RIPK2: variants seen among roughly 807,000 people sequenced by gnomAD.
RIPK2 encodes the protein receptor-interacting serine/threonine-protein kinase 2.
In RIPK2, 38 loss-of-function variants were observed where a neutral mutation model predicts 60.9. The ratio of observed to expected loss-of-function variants is 0.62; its 90% CI spans 0.48 to 0.82. The LOEUF is 0.82. Ranked by LOEUF, RIPK2 falls within the 40% of genes least tolerant of loss-of-function variation. The probability of loss-of-function intolerance (pLI) is 0.00; values close to 1 mark genes in which losing one functional copy is unlikely to be tolerated. For missense variants in RIPK2, 518 were observed against 647.0 expected (o/e 0.80, Z 2.16); for synonymous variants, 225 against 223.4 (o/e 1.01, Z -0.06).
At chr8:89,763,841 A>C (rs537903249) in intron 2 of RIPK2, among the ~76,000 whole-genome samples, 37 of 152,298 alleles carry the variant, frequency 2.4e-4, no homozygotes, top group African/African-American at 7.0e-4. Flanking sequence ...AACTGGTGTC[A>C]GTCTGTAAGA....
intron 1 of RIPK2, among the ~76,000 whole-genome samples, chr8:89,760,210 T>C (rs1016837095): frequency 8.3e-6 from 1 of 120,496 alleles, no homozygotes; most frequent in African/African-American, 4.0e-5. Context: ...GTTTGCATTG[T>C]TCTTTGGGAT....
intron 7 of RIPK2, among the ~76,000 whole-genome samples, chr8:89,781,977 A>G (rs1317492729): frequency 6.6e-6 from 1 of 152,082 alleles, no homozygotes. Context: ...GCAATGTGGC[A>G]AAAAAACATA....
chr8:89,790,430 A>G lies in RIPK2; in HGVS notation c.*14A>G. 1 of 1,521,272 alleles carries G rather than the reference A, an allele frequency of 6.6e-7. No individual in the cohort carries two copies. The highest frequency in any genetic ancestry group is 8.9e-7 in the Non-Finnish European group (1 of 1,122,902). 94.2% of individuals were successfully genotyped at this position (1,521,272 alleles called of 1,614,324 possible). On this transcript the variant is annotated 3_prime_UTR_variant, in exon 11 of 11. Coordinates refer to ENST00000220751, the MANE Select transcript of RIPK2 (RefSeq NM_003821.6). ...AAAAGCATGTAAGTGACTGTTTTTC[A>G]AGAAGAAATGTGTTTCATAAAAGGA... is the stretch of plus-strand genomic sequence containing the variant.
intron 9 of RIPK2, 33 bp from the exon 10 acceptor site, chr8:89,789,288 T>C (rs201647545): frequency 6.3e-6 from 10 of 1,591,384 alleles, no homozygotes; most frequent in African/African-American, 1.3e-5. Flanking sequence ...CTAAGGAGTA[T>C]TCTACTTCTA....
At chr8:89,779,351 G>C (rs566415340) in intron 6 of RIPK2, among the ~76,000 whole-genome samples, 1 of 106,552 alleles carries the variant, frequency 9.4e-6, no homozygotes, top group African/African-American at 3.7e-5. Context: ...GTCTTGCTCT[G>C]TTGCCCAGGC....
At chr8:89,768,217 C>T (rs1159254173) in intron 3 of RIPK2, among the ~76,000 whole-genome samples, 4 of 151,596 alleles carry the variant, frequency 2.6e-5, no homozygotes, top group Non-Finnish European at 4.4e-5. Flanking sequence ...ACAAAGTACA[C>T]AAAATAATGT....
At chr8:89,765,548 A>ATTT in intron 3 of RIPK2, 52 bp downstream of exon 3, 1 of 1,279,614 alleles carries the variant, frequency 7.8e-7, no homozygotes, top group East Asian at 2.4e-5. Flanking sequence ...AGTTTTAAAA[A>ATTT]TACTTTTTAG....
At chr8:89,770,358 C>T (rs1182028057) in intron 4 of RIPK2, among the ~76,000 whole-genome samples, 1 of 151,712 alleles carries the variant, frequency 6.6e-6, no homozygotes, top group Admixed American at 6.6e-5. Context: ...TAAAGAATCC[C>T]TAATATTTGT....
chr8:89,784,237 A>G (rs1258942879), intron 8 of RIPK2, 98 bp downstream of exon 8: 1 of 705,186 alleles, frequency 1.4e-6, no homozygotes, highest in African/African-American at 1.8e-5. Flanking sequence ...TTATAGAAGG[A>G]AAACTAAAGC....
rs532941596 is a variant in RIPK2, at chr8:89,779,300, C to T, written c.854-775C>T. On this transcript the variant is annotated intron_variant, in intron 6 of 10. Transcript: ENST00000220751. ...AATTTTTTGAAGTCCAATTTTTAGGCGGTTTTTGGGTTTTTTTTTTTTTTT... is the reference window on the plus strand; with the variant it reads ...AATTTTTTGAAGTCCAATTTTTAGGTGGTTTTTGGGTTTTTTTTTTTTTTT... Among the ~76,000 whole-genome samples, 169 of 71,836 alleles carry T rather than the reference C, an allele frequency of 2.4e-3. 12 individuals carry two copies. Among genetic ancestry groups the T allele is most frequent in the African/African-American group, 0.012 (141 of 11,672 alleles). The allele number at this position is 71,836 out of a possible 152,430, so 47.1% of individuals were successfully genotyped here.
chr8:89,771,183 A>C (rs1293010017), intron 4 of RIPK2, among the ~76,000 whole-genome samples: 1 of 151,914 alleles, frequency 6.6e-6, no homozygotes, highest in East Asian at 1.9e-4. Flanking sequence ...ACAAGGTGTT[A>C]GTAGTAATAA....
At chr8:89,762,739 T>C in intron 1 of RIPK2, 90 bp from the exon 2 acceptor site, 1 of 655,044 alleles carries the variant, frequency 1.5e-6, no homozygotes, top group South Asian at 4.3e-5. Context: ...ACATAGCTAA[T>C]TAATGAAAAA....
chr8:89,780,098 G>C lies in RIPK2; in HGVS notation c.877G>C (p.Val293Leu), dbSNP rs767115487. The change falls in exon 7 of 11, where the codon GTT becomes CTT. Residue 293 changes from valine to leucine, a missense_variant. Around this residue, in one of 3 missense-constraint regions of RIPK2, gnomAD observed 448 missense variants for 534.7 expected, o/e 0.84. Coordinates refer to ENST00000220751, the MANE Select transcript of RIPK2 (RefSeq NM_003821.6). ...AGAATGTTTAATAGAACTTGAACCA[G>C]TTTTGAGAACATTTGAAGAGATAAC... ...FLKCLIELEPVLRTFEEITFL... is the reference protein window; with the variant it reads ...FLKCLIELEPLLRTFEEITFL... The C allele has an allele frequency of 1.2e-5, 19 of 1,562,576 alleles. No homozygotes were observed. The highest frequency in any genetic ancestry group is 1.7e-5 in the Non-Finnish European group (19 of 1,144,256).
At chr8:89,767,528 A>G (rs570091184) in intron 3 of RIPK2, among the ~76,000 whole-genome samples, 94 of 151,762 alleles carry the variant, frequency 6.2e-4, no homozygotes, top group African/African-American at 2.2e-3. Context: ...AGTATTGCTA[A>G]GAAAAAAAGA....
chr8:89,765,351 A>C lies in RIPK2; in HGVS notation c.338A>C (p.Tyr113Ser). ...CACATATATATGAAGAAAACTGAAT[A>C]TCCTGATGTTGCTTGGCCATTGAGA... ...LNELLHRKTE[Y>S]PDVAWPLRFR... Residue 113 changes from tyrosine (Y) to serine (S), a missense_variant, in exon 3 of 11, where the codon TAT becomes TCT. Physicochemically the swap from Tyr to Ser is moderately radical, Grantham distance 144. This residue lies in a region of RIPK2 where 448 missense variants were observed against 534.7 expected (regional missense o/e 0.84). Coordinates refer to ENST00000220751, the MANE Select transcript of RIPK2 (RefSeq NM_003821.6). The C allele has an allele frequency of 6.2e-7, 1 of 1,606,740 alleles. No individual in the cohort carries two copies. Among genetic ancestry groups the C allele is most frequent in the Non-Finnish European group, 8.5e-7 (1 of 1,175,946 alleles).
At chr8:89,773,688 G>T (rs923134755) in intron 6 of RIPK2, among the ~76,000 whole-genome samples, 1 of 152,150 alleles carries the variant, frequency 6.6e-6, no homozygotes, top group African/African-American at 2.4e-5. Context: ...ACACTTTCAG[G>T]AATATTCTAA....
chr8:89,775,325 C>T (rs1809379093), intron 6 of RIPK2, among the ~76,000 whole-genome samples: 1 of 152,008 alleles, frequency 6.6e-6, no homozygotes, highest in South Asian at 2.1e-4. Context: ...TGGTTCGTTG[C>T]CTGTAATCCC....
At chr8:89,777,545 A>G (rs1219831877) in intron 6 of RIPK2, among the ~76,000 whole-genome samples, 1 of 151,540 alleles carries the variant, frequency 6.6e-6, no homozygotes, top group Non-Finnish European at 1.5e-5. Flanking sequence ...ATGGCCTATA[A>G]ACATATCCAG....
intron 5 of RIPK2, 73 bp downstream of exon 5, chr8:89,771,863 C>G (rs567225617): frequency 1.2e-3 from 1,226 of 988,894 alleles, no homozygotes; most frequent in Non-Finnish European, 1.7e-3. Context: ...ATCTAAAAAT[C>G]ATGTTATTTT....
Sources: gnomAD v4.1 joint callset for allele counts (sites outside exome capture counted in the v4.1 genomes callset) on GRCh38, gnomAD v4.1.1 for gene constraint, gnomAD v4.1.1 regional missense constraint, MANE v1.5 for transcripts, NCBI Gene and HGNC (gene_info 2026-07-23, HGNC 2026-07-21) for gene names.